Variants in STX8 observed in about 807,000 individuals in gnomAD.
The protein encoded by STX8 is syntaxin-8.
In STX8, 23 loss-of-function variants were observed where a neutral mutation model predicts 37.5. The ratio of observed to expected loss-of-function variants is 0.61; its 90% CI spans 0.44 to 0.87. The LOEUF is 0.87. STX8 is among the 40% of genes least tolerant of loss of function. The pLI is 0.00. For missense variants in STX8, 313 were observed against 284.7 expected (o/e 1.10, Z -0.71); for synonymous variants, 115 against 99.1 (o/e 1.16, Z -0.95).
chr17:9,262,813 C>G (rs1907092016), intron 7 of STX8, among the ~76,000 whole-genome samples: 1 of 152,108 alleles, frequency 6.6e-6, no homozygotes, highest in Non-Finnish European at 1.5e-5. Context: ...ATCTCCAGAT[C>G]TTGTGATCCA....
intron 7 of STX8, among the ~76,000 whole-genome samples, chr17:9,293,196 C>T (rs1178370956): frequency 6.6e-6 from 1 of 152,194 alleles, no homozygotes; most frequent in Non-Finnish European, 1.5e-5. Context: ...GAAGAATACA[C>T]ATGCTATAAT....
Position 9,421,392 on chromosome 17 carries a change from C to CA in STX8, c.542-42740dup, listed in dbSNP as rs1555525649. Among the ~76,000 whole-genome samples the CA allele has an allele frequency of 7.1e-3, 402 of 56,698 alleles. 5 individuals carry two copies. The highest frequency in any genetic ancestry group is 0.019 in the African/African-American group (290 of 15,174). The allele number at this position is 56,698 out of a possible 152,430, so 37.2% of individuals were successfully genotyped here. A position where few individuals can be genotyped will look rare whatever the true frequency, so the allele number is the denominator to read the frequency against. ...GGGCAATAAGAGCAAAACTCCATCTCAAAAAAAAAAAAAAAAAAAATTTTT... is the reference window on the plus strand; with the variant it reads ...GGGCAATAAGAGCAAAACTCCATCTCAAAAAAAAAAAAAAAAAAAAATTTTT... On this transcript the variant is annotated intron_variant, in intron 6 of 7. Transcript: ENST00000306357.
intron 7 of STX8, among the ~76,000 whole-genome samples, chr17:9,296,459 C>T (rs1181139229): frequency 6.7e-6 from 1 of 148,152 alleles, no homozygotes; most frequent in Non-Finnish European, 1.5e-5. Flanking sequence ...GATCACACCA[C>T]TGCATTCCAG....
Position 9,480,517 on chromosome 17 carries a change from C to T in STX8, c.541+11312G>A, listed in dbSNP as rs895266182. On this transcript the variant is annotated intron_variant, in intron 6 of 7. Transcript: ENST00000306357. ...GCTGCTGATTTTGCACATCAACTTCCGGGAAGATCTTAGAAAGTACAGGTG... is the reference window on the plus strand; with the variant it reads ...GCTGCTGATTTTGCACATCAACTTCTGGGAAGATCTTAGAAAGTACAGGTG... Among the ~76,000 whole-genome samples, 5 of 152,108 alleles carry T rather than the reference C, an allele frequency of 3.3e-5. No homozygotes were observed. In the East Asian group the frequency reaches 5.8e-4, roughly 18 times the overall value.
chr17:9,381,247 T>G (rs953730043), intron 6 of STX8, among the ~76,000 whole-genome samples: 4 of 113,084 alleles, frequency 3.5e-5, no homozygotes, highest in Admixed American at 8.1e-5. Flanking sequence ...TTTCATTTTG[T>G]TTTTTTTTTT....
chr17:9,490,497 G>A (rs959241806), intron 6 of STX8, among the ~76,000 whole-genome samples: 3 of 151,870 alleles, frequency 2.0e-5, no homozygotes, highest in Admixed American at 6.6e-5. Context: ...TCAGCCTCCC[G>A]AGTAGCTGTG....
chr17:9,490,627 A>G (rs1293369561), intron 6 of STX8, among the ~76,000 whole-genome samples: 1 of 152,114 alleles, frequency 6.6e-6, no homozygotes, highest in Non-Finnish European at 1.5e-5. Context: ...AGCCTCCCAA[A>G]GTGTTGGAAT....
At chr17:9,410,062 T>G (rs528893950) in intron 6 of STX8, among the ~76,000 whole-genome samples, 1 of 152,332 alleles carries the variant, frequency 6.6e-6, no homozygotes, top group East Asian at 1.9e-4. Context: ...AAAAACTGCT[T>G]TGGCAAGAGA....
chr17:9,316,497 CA>C (rs1909385341), intron 7 of STX8, among the ~76,000 whole-genome samples: 1 of 152,176 alleles, frequency 6.6e-6, no homozygotes, highest in Non-Finnish European at 1.5e-5. Context: ...GAAGCCTCCA[CA>C]AAAACCCAAA....
At chr17:9,562,400 C>T (rs990238643) in intron 2 of STX8, among the ~76,000 whole-genome samples, 6 of 149,680 alleles carry the variant, frequency 4.0e-5, no homozygotes, top group South Asian at 2.1e-4. Context: ...AGCGAGACTC[C>T]GTCTCAGGAA....
intron 2 of STX8, among the ~76,000 whole-genome samples, chr17:9,557,990 GAAC>G (rs1205568335): frequency 6.6e-6 from 1 of 152,170 alleles, no homozygotes; most frequent in Non-Finnish European, 1.5e-5. Context: ...CAGGCTCTCT[GAAC>G]AACTGGTAAA....
At chr17:9,267,145 A>C (rs533479496) in intron 7 of STX8, among the ~76,000 whole-genome samples, 6 of 152,312 alleles carry the variant, frequency 3.9e-5, no homozygotes, top group African/African-American at 1.2e-4. Context: ...ATAAGAGCTG[A>C]AACACCATGG....
rs184773341 is a variant in STX8 at position 9,492,822 on chromosome 17, G to A, written c.449-901C>T. Among the ~76,000 whole-genome samples, 87 of 152,244 alleles carry A rather than the reference G, an allele frequency of 5.7e-4. 1 individual carries two copies. The East Asian group carries it at 0.012, about 21-fold the overall frequency. On this transcript the variant is annotated intron_variant, in intron 5 of 7. Coordinates refer to ENST00000306357, the MANE Select transcript of STX8 (RefSeq NM_004853.3). The stretch of plus-strand genomic sequence containing the variant: ...TAAAAAATTAGCCAGGCAGCCAGTC[G>A]CGGTGGCTCACGCCTGTAATCCCAG...
intron 6 of STX8, among the ~76,000 whole-genome samples, chr17:9,437,476 C>T (rs912382984): frequency 1.3e-5 from 2 of 152,186 alleles, no homozygotes; most frequent in African/African-American, 4.8e-5. Context: ...CAGGGATTAT[C>T]TTTTAACTGG....
intron 1 of STX8, among the ~76,000 whole-genome samples, chr17:9,572,494 C>A (rs956685170): frequency 6.6e-6 from 1 of 152,186 alleles, no homozygotes; most frequent in African/African-American, 2.4e-5. Context: ...ACTGCAACCT[C>A]CACCTCCTGG....
intron 4 of STX8, among the ~76,000 whole-genome samples, chr17:9,521,720 T>C (rs946324492): frequency 5.3e-5 from 8 of 152,188 alleles, no homozygotes; most frequent in Admixed American, 4.6e-4. Flanking sequence ...GGACAATAAA[T>C]GCCTAACATT....
intron 7 of STX8, among the ~76,000 whole-genome samples, chr17:9,375,640 G>A (rs1439531066): frequency 6.6e-6 from 1 of 152,092 alleles, no homozygotes; most frequent in Non-Finnish European, 1.5e-5. Context: ...ACCAAAGATG[G>A]TTTTAAGTGA....
chr17:9,495,766 T>C (rs1374450387), intron 5 of STX8, among the ~76,000 whole-genome samples: 2 of 152,180 alleles, frequency 1.3e-5, no homozygotes, highest in Non-Finnish European at 2.9e-5. Context: ...GCTGTAGAGG[T>C]AATAATAATC....
chr17:9,276,698 C>T lies in STX8; in HGVS notation c.644-26053G>A, dbSNP rs1463088065. 2.7e-5 allele frequency among the ~76,000 whole-genome samples: 4 copies of T among 146,060 alleles called. No individual in the cohort carries two copies. The South Asian group carries it at 6.6e-4, about 24-fold the overall frequency. ...TTACCCAGGCTGGAGTGCAGTGGCA[C>T]GATCTCAGCTCACTGCAACCTCTAC... On this transcript the variant is annotated intron_variant, in intron 7 of 7. Transcript: ENST00000306357.
Sources: gnomAD v4.1 joint callset for allele counts (sites outside exome capture counted in the v4.1 genomes callset) on GRCh38, gnomAD v4.1.1 for gene constraint, MANE v1.5 for transcripts, NCBI Gene and HGNC (gene_info 2026-07-23, HGNC 2026-07-21) for gene names.